CDK14: variants seen among roughly 807,000 people sequenced by gnomAD.
CDK14 encodes the protein cyclin dependent kinase 14, also known as cyclin-dependent kinase 14.
CDK14 carries 34 observed loss-of-function variants against 60.7 expected under a neutral mutation model. The ratio of observed to expected loss-of-function variants is 0.56; its 90% CI spans 0.43 to 0.75. The LOEUF (loss-of-function observed/expected upper bound fraction) is 0.75. Among genes scored for constraint, CDK14 ranks in the 30% least tolerant of loss-of-function variants. The pLI, the probability that CDK14 is intolerant of heterozygous loss-of-function variation, is 0.00. For synonymous variants in CDK14, 197 were observed against 203.7 expected (o/e 0.97, Z 0.28); for missense variants, 482 against 564.1 (o/e 0.85, Z 1.47).
intron 2 of CDK14, among the ~76,000 whole-genome samples, chr7:90,658,423 C>T (rs530367120): frequency 1.6e-4 from 24 of 152,290 alleles, no homozygotes; most frequent in African/African-American, 5.1e-4. Flanking sequence ...GCACTTATCT[C>T]ATTCATAAGG....
intron 2 of CDK14, among the ~76,000 whole-genome samples, chr7:90,622,923 C>CTTTTTTTTTTT (rs1245736325): frequency 3.1e-5 from 4 of 130,302 alleles, no homozygotes; most frequent in African/African-American, 5.7e-5. Context: ...CTTTTTTTTT[C>CTTTTTTTTTTT]TTTTTTTTTT....
intron 4 of CDK14, among the ~76,000 whole-genome samples, chr7:90,786,486 T>TA (rs1197485171): frequency 1.3e-5 from 2 of 152,246 alleles, no homozygotes; most frequent in African/African-American, 4.8e-5. Context: ...TAAAATAGGT[T>TA]AAATCCACAA....
chr7:90,639,364 C>T (rs1235455644), intron 2 of CDK14, among the ~76,000 whole-genome samples: 1 of 152,022 alleles, frequency 6.6e-6, no homozygotes, highest in Non-Finnish European at 1.5e-5. Flanking sequence ...CCCTCAGCTG[C>T]AGGTCTGTTG....
At chr7:91,069,341 C>A (rs947384327) in intron 11 of CDK14, among the ~76,000 whole-genome samples, 1 of 152,000 alleles carries the variant, frequency 6.6e-6, no homozygotes, top group Non-Finnish European at 1.5e-5. Context: ...GAGTTTGTGA[C>A]CAGCCTGAGC....
chr7:90,607,512 C>T (rs1244886441), intron 2 of CDK14, among the ~76,000 whole-genome samples: 1 of 152,140 alleles, frequency 6.6e-6, no homozygotes, highest in Non-Finnish European at 1.5e-5. Context: ...AAAAGAAATA[C>T]AGACTTATTT....
chr7:91,072,032 CT>C (rs1299980371), intron 11 of CDK14, among the ~76,000 whole-genome samples: 3 of 152,158 alleles, frequency 2.0e-5, no homozygotes, highest in Non-Finnish European at 4.4e-5. Context: ...GCCTGAGCCC[CT>C]AGGGGGAGGG....
intron 10 of CDK14, among the ~76,000 whole-genome samples, chr7:90,986,926 A>G (rs1187977658): frequency 3.3e-5 from 5 of 151,994 alleles, no homozygotes; most frequent in Non-Finnish European, 7.4e-5. Flanking sequence ...TTGAAAGCAG[A>G]AAACTTTAAA....
intron 10 of CDK14, among the ~76,000 whole-genome samples, chr7:91,038,841 G>A (rs1584256197): frequency 2.0e-5 from 3 of 152,196 alleles, no homozygotes; most frequent in Non-Finnish European, 2.9e-5. Flanking sequence ...TCTCTTTGCC[G>A]GCCACCATCC....
Position 90,899,357 on chromosome 7 carries a change from G to A in CDK14, c.702+4G>A. 4 of 1,590,060 alleles carry A rather than the reference G, an allele frequency of 2.5e-6. No homozygotes were observed. Among genetic ancestry groups the A allele is most frequent in the Non-Finnish European group, 3.4e-6 (4 of 1,169,522 alleles). Reference sequence around the variant, plus strand: ...GCTGCATCCAGATAATGTGAAGGTAGGAAAAGATCTTTTTAAGCCAAAGGT... The same window carrying A: ...GCTGCATCCAGATAATGTGAAGGTAAGAAAAGATCTTTTTAAGCCAAAGGT... On this transcript the variant is annotated splice_donor_region_variant and intron_variant, in intron 7 of 14. Transcript: ENST00000380050.
intron 6 of CDK14, among the ~76,000 whole-genome samples, chr7:90,886,957 T>G (rs1791964351): frequency 6.6e-6 from 1 of 152,190 alleles, no homozygotes; most frequent in African/African-American, 2.4e-5. Context: ...TGTTGGCTAT[T>G]TTTTCATTTG....
At chr7:91,053,807 G>T (rs1211958691) in intron 11 of CDK14, among the ~76,000 whole-genome samples, 2 of 151,852 alleles carry the variant, frequency 1.3e-5, no homozygotes, top group Admixed American at 6.6e-5. Context: ...GGAAGACTGC[G>T]GGGGGGCTCT....
At chr7:91,003,222 A>C (rs779121488) in intron 10 of CDK14, among the ~76,000 whole-genome samples, 1 of 152,164 alleles carries the variant, frequency 6.6e-6, no homozygotes, top group South Asian at 2.1e-4. Context: ...TCCTCATCCC[A>C]TGCATCAGAT....
rs1043165209 is a variant in CDK14, at chr7:90,599,623, A to G, written c.91+2905A>G. Among the ~76,000 whole-genome samples the G allele has an allele frequency of 2.6e-5, 4 of 152,204 alleles. No homozygotes were observed. In the South Asian group the frequency reaches 6.2e-4, roughly 24 times the overall value. On this transcript the variant is annotated intron_variant, in intron 1 of 14. Coordinates refer to ENST00000380050, the MANE Select transcript of CDK14 (RefSeq NM_001287135.2). ...TCCTTGCAATTTCTGTTTATACCCC[A>G]TCATCCTCCTTTCTTCATTGGTACT...
intron 14 of CDK14, among the ~76,000 whole-genome samples, chr7:91,127,234 A>C (rs182118577): frequency 6.6e-6 from 1 of 152,180 alleles, no homozygotes; most frequent in Non-Finnish European, 1.5e-5. Context: ...GAATGAAGCG[A>C]CTTAGCATAA....
chr7:90,634,522 C>T (rs1800086619), intron 2 of CDK14, among the ~76,000 whole-genome samples: 1 of 151,752 alleles, frequency 6.6e-6, no homozygotes, highest in Non-Finnish European at 1.5e-5. Flanking sequence ...TTTCTTAATC[C>T]AGTCTATCAT....
chr7:90,811,103 C>T (rs916526286), intron 5 of CDK14, among the ~76,000 whole-genome samples: 3 of 152,206 alleles, frequency 2.0e-5, no homozygotes, highest in South Asian at 2.1e-4. Context: ...CTTCACAGAA[C>T]TGGAAAAAAC....
At chr7:90,649,314 TTCCTTCCTTCCTTCCTTCC>T (rs1800552663) in intron 2 of CDK14, among the ~76,000 whole-genome samples, 8 of 31,714 alleles carry the variant, frequency 2.5e-4, no homozygotes, top group South Asian at 1.7e-3. Flanking sequence ...CTTTCTTTCC[TTCCTTCCTTCCTTCCTTCC>T]TTCCTTCCTT....
intron 2 of CDK14, among the ~76,000 whole-genome samples, chr7:90,646,283 A>T (rs1320330458): frequency 6.7e-6 from 1 of 148,742 alleles, no homozygotes; most frequent in Non-Finnish European, 1.5e-5. Context: ...TGAGAGGCAT[A>T]CTGACAGTAT....
At chr7:90,744,023 T>A (rs1330152592) in intron 3 of CDK14, among the ~76,000 whole-genome samples, 1 of 152,210 alleles carries the variant, frequency 6.6e-6, no homozygotes, top group East Asian at 1.9e-4. Context: ...TTTAAATTAT[T>A]TATTTTTATT....
Sources: allele counts gnomAD v4.1 joint callset (sites outside exome capture counted in the v4.1 genomes callset), GRCh38; gene constraint gnomAD v4.1.1; transcripts MANE v1.5; gene names NCBI Gene and HGNC (gene_info 2026-07-23, HGNC 2026-07-21).